EXOC4: variants seen among roughly 807,000 people sequenced by gnomAD.
EXOC4 encodes SEC8-like 1.
A neutral mutation model predicts 107.2 loss-of-function variants in EXOC4; 71 were observed. The observed-to-expected ratio is 0.66, with a 90% CI of 0.55 to 0.81. The LOEUF (loss-of-function observed/expected upper bound fraction) is 0.81. Ranked by LOEUF, EXOC4 falls within the 30% of genes least tolerant of loss-of-function variation. The pLI is 0.00. For missense variants in EXOC4, 1,108 were observed against 1,189.6 expected (o/e 0.93, Z 1.01); for synonymous variants, 456 against 441.2 (o/e 1.03, Z -0.42).
chr7:133,700,918 T>C (rs972667442), intron 10 of EXOC4, among the ~76,000 whole-genome samples: 2 of 152,032 alleles, frequency 1.3e-5, no homozygotes, highest in Non-Finnish European at 2.9e-5. Context: ...AATATTAGGC[T>C]TAGAATGAGC....
chr7:134,074,040 A>C, the EXOC4 span, among the ~76,000 whole-genome samples: 7 of 152,160 alleles, frequency 4.6e-5, no homozygotes, highest in Non-Finnish European at 7.3e-5. Flanking sequence ...GGCATCCCTC[A>C]CAGTTGCCTG....
chr7:133,937,469 T>C (rs931943354), intron 13 of EXOC4, among the ~76,000 whole-genome samples: 2 of 152,188 alleles, frequency 1.3e-5, no homozygotes, highest in Non-Finnish European at 2.9e-5. Flanking sequence ...ATTTTCTAGG[T>C]GCCAGATTAA....
intron 10 of EXOC4, among the ~76,000 whole-genome samples, chr7:133,722,177 TCCCATTTGG>T (rs1202588566): frequency 6.6e-6 from 1 of 152,230 alleles, no homozygotes; most frequent in Non-Finnish European, 1.5e-5. Context: ...TTGCCCTGTA[TCCCATTTGG>T]GACTTGGACG....
intron 5 of EXOC4, among the ~76,000 whole-genome samples, chr7:133,323,757 G>A (rs538656151): frequency 1.8e-3 from 269 of 152,186 alleles, no homozygotes; most frequent in Non-Finnish European, 3.0e-3. Flanking sequence ...CTCTTTTTCT[G>A]TTGATTGGAA....
At chr7:133,744,910 G>A (rs182405614) in intron 10 of EXOC4, among the ~76,000 whole-genome samples, 108 of 152,242 alleles carry the variant, frequency 7.1e-4, no homozygotes, top group African/African-American at 2.5e-3. Context: ...GATCCCAAGC[G>A]TATAGAAGGT....
chr7:133,512,606 T>C (rs1038289762), intron 9 of EXOC4, among the ~76,000 whole-genome samples: 1 of 151,962 alleles, frequency 6.6e-6, no homozygotes, highest in African/African-American at 2.4e-5. Flanking sequence ...AGAAGATCAA[T>C]GCGCACAAGA....
intron 9 of EXOC4, among the ~76,000 whole-genome samples, chr7:133,531,625 A>G (rs987366124): frequency 2.0e-5 from 3 of 152,180 alleles, no homozygotes; most frequent in South Asian, 2.1e-4. Context: ...CAAAGTTAGG[A>G]AGAAAAAAAG....
chr7:133,978,028 T>A lies in EXOC4; in HGVS notation c.2207-19464T>A, dbSNP rs150579554. The stretch of plus-strand genomic sequence containing the variant: ...TGTGCAAACAGACTAGAACTTACTC[T>A]TGTAACAGGTAGCTGAGTCTCAGCC... On this transcript the variant is annotated intron_variant, in intron 14 of 17. Transcript: ENST00000253861. Among the ~76,000 whole-genome samples the A allele has an allele frequency of 4.6e-3, 706 of 152,344 alleles. 3 individuals are homozygous for A. Among genetic ancestry groups the A allele is most frequent in the Middle Eastern group, 0.017 (5 of 294 alleles).
intron 9 of EXOC4, among the ~76,000 whole-genome samples, chr7:133,558,646 A>G (rs1800749403): frequency 6.6e-6 from 1 of 151,926 alleles, no homozygotes; most frequent in African/African-American, 2.4e-5. Context: ...AAACATATAG[A>G]TTTTATTTTT....
At position 133,844,341 on chromosome 7, in the gene EXOC4, A is replaced by ACCCAACCAAT. The variant is rs373930183; in HGVS notation, c.1734+26798_1734+26807dup. On this transcript the variant is annotated intron_variant, in intron 11 of 17. Transcript: ENST00000253861. Reference sequence around the variant, plus strand: ...TATTTCTAATCTCTTTTACATTTTTACCCAACCAATTTAATTTCTTGGATT... The same window carrying ACCCAACCAAT: ...TATTTCTAATCTCTTTTACATTTTTACCCAACCAATCCCAACCAATTTAATTTCTTGGATT... Among the ~76,000 whole-genome samples the ACCCAACCAAT allele has an allele frequency of 3.4e-3, 337 of 100,396 alleles. 5 individuals are homozygous for ACCCAACCAAT. Among genetic ancestry groups the ACCCAACCAAT allele is most frequent in the African/African-American group, 0.012 (315 of 25,832 alleles). The allele number at this position is 100,396 out of a possible 152,430, so 65.9% of individuals were successfully genotyped here. A position where few individuals can be genotyped will look rare whatever the true frequency, so the allele number is the denominator to read the frequency against.
the EXOC4 span, among the ~76,000 whole-genome samples, chr7:134,082,226 G>A: frequency 6.6e-6 from 1 of 152,110 alleles, no homozygotes; most frequent in Non-Finnish European, 1.5e-5. Context: ...ACAACGGGTA[G>A]ATTATTCATG....
At chr7:133,946,724 C>G (rs1050423229) in intron 14 of EXOC4, among the ~76,000 whole-genome samples, 1 of 152,188 alleles carries the variant, frequency 6.6e-6, no homozygotes, top group Non-Finnish European at 1.5e-5. Flanking sequence ...TAAGGAATAC[C>G]ATCTAGACCT....
intron 9 of EXOC4, chr7:133,483,965 T>G: frequency 6.6e-7 from 1 of 1,517,538 alleles, no homozygotes; most frequent in Non-Finnish European, 9.1e-7. Flanking sequence ...TTGTTTCTTC[T>G]GTTAACACCA....
chr7:133,464,806 G>GTTT (rs1563075868), intron 7 of EXOC4, among the ~76,000 whole-genome samples: 9 of 27,146 alleles, frequency 3.3e-4, no homozygotes, highest in African/African-American at 9.2e-4. Flanking sequence ...TTGTTGGTTG[G>GTTT]GTTGGTTTTT....
chr7:133,638,464 G>A (rs907486190), intron 10 of EXOC4, among the ~76,000 whole-genome samples: 12 of 152,052 alleles, frequency 7.9e-5, no homozygotes, highest in African/African-American at 2.9e-4. Context: ...TCAGCTTAAT[G>A]CTGATGATTA....
At chr7:133,370,308 T>C (rs1025582121) in intron 6 of EXOC4, among the ~76,000 whole-genome samples, 2 of 151,956 alleles carry the variant, frequency 1.3e-5, no homozygotes, top group African/African-American at 4.8e-5. Flanking sequence ...TAATTTTAAT[T>C]TTTATATTTT....
intron 10 of EXOC4, among the ~76,000 whole-genome samples, chr7:133,809,617 G>A (rs1325774611): frequency 4.6e-5 from 7 of 152,230 alleles, no homozygotes; most frequent in East Asian, 3.9e-4. Flanking sequence ...TAAATCACGC[G>A]TTTCTATTGG....
At chr7:133,319,483 T>TTTTATTTA (rs953832879) in intron 5 of EXOC4, among the ~76,000 whole-genome samples, 146 of 152,148 alleles carry the variant, frequency 9.6e-4, no homozygotes, top group South Asian at 2.1e-3. Flanking sequence ...TGTATAAACC[T>TTTTATTTA]TTTATTTATT....
chr7:133,780,165 A>T (rs1203018114), intron 10 of EXOC4, among the ~76,000 whole-genome samples: 1 of 152,026 alleles, frequency 6.6e-6, no homozygotes. Flanking sequence ...TTTTACAACT[A>T]GCTATGTTTT....
Sources: allele counts gnomAD v4.1 joint callset (sites outside exome capture counted in the v4.1 genomes callset), GRCh38; gene constraint gnomAD v4.1.1; transcripts MANE v1.5; gene names NCBI Gene and HGNC (gene_info 2026-07-23, HGNC 2026-07-21).